The following LPIN2 variants were observed in gnomAD, a reference collection of about 807,000 sequenced individuals.
LPIN2 encodes the protein lipin 2.
A neutral mutation model predicts 111.4 loss-of-function variants in LPIN2; 55 were observed. The observed-to-expected ratio is 0.49, with a 90% CI of 0.40 to 0.62. LPIN2 has a LOEUF of 0.62. Among genes scored for constraint, LPIN2 ranks in the 20% least tolerant of loss-of-function variants. The probability of loss-of-function intolerance (pLI) is 0.00; values close to 1 mark genes in which losing one functional copy is unlikely to be tolerated. For synonymous variants in LPIN2, 425 were observed against 414.0 expected (o/e 1.03, Z -0.32); for missense variants, 992 against 1,112.1 (o/e 0.89, Z 1.54).
chr18:2,990,392 T>TG (rs1038125332), intron 1 of LPIN2, among the ~76,000 whole-genome samples: 3 of 152,168 alleles, frequency 2.0e-5, no homozygotes, highest in African/African-American at 7.2e-5. Context: ...ATTTGCAAAT[T>TG]GGGGAGTTTA....
chr18:2,932,888 G>C (rs1226964303), intron 8 of LPIN2, among the ~76,000 whole-genome samples: 2 of 152,264 alleles, frequency 1.3e-5, no homozygotes, highest in South Asian at 2.1e-4. Flanking sequence ...CACCAACACA[G>C]AGCATTCTTC....
intron 8 of LPIN2, among the ~76,000 whole-genome samples, chr18:2,932,851 T>G (rs1033977847): frequency 6.6e-6 from 1 of 152,116 alleles, no homozygotes; most frequent in African/African-American, 2.4e-5. Flanking sequence ...TGTTCCTGAA[T>G]CCCTGTGGGC....
intron 1 of LPIN2, among the ~76,000 whole-genome samples, chr18:2,975,522 C>T (rs2077998156): frequency 1.3e-5 from 2 of 152,084 alleles, no homozygotes; most frequent in Non-Finnish European, 2.9e-5. Context: ...TTAGTAGCGA[C>T]GGGGTTTCTC....
At chr18:3,003,437 A>T (rs2078463351) in intron 1 of LPIN2, among the ~76,000 whole-genome samples, 1 of 152,222 alleles carries the variant, frequency 6.6e-6, no homozygotes, top group African/African-American at 2.4e-5. Context: ...CTGTTGCAGG[A>T]AGTCAGGGAC....
In LPIN2 at chr18:2,951,315, A is replaced by C; in HGVS notation, c.330T>G (p.Thr110=). Residue 110 remains threonine (T), a synonymous_variant, in exon 4 of 20, where the codon ACT becomes ACG. Transcript: ENST00000677752. ...CAATATCTTTAAAGAACTGATCTTC[A>C]GTAGGAATTGGTGAGGTGGCAAGGT... ...PAYLATSPIP[T]EDQFFKDIDT... 1 of 1,614,176 alleles carries C rather than the reference A, an allele frequency of 6.2e-7. No individual in the cohort carries two copies. Among genetic ancestry groups the C allele is most frequent in the Non-Finnish European group, 8.5e-7 (1 of 1,180,024 alleles).
intron 15 of LPIN2, 137 bp downstream of exon 15, chr18:2,924,261 G>C: frequency 3.0e-6 from 3 of 1,004,710 alleles, no homozygotes; most frequent in Non-Finnish European, 3.1e-6. Flanking sequence ...TACTGGGGAC[G>C]CCTCAGAGCA....
intron 1 of LPIN2, among the ~76,000 whole-genome samples, chr18:2,984,109 C>T (rs2078151984): frequency 6.6e-6 from 1 of 152,104 alleles, no homozygotes; most frequent in Non-Finnish European, 1.5e-5. Context: ...AATGTTTGAC[C>T]AAGTAATAGG....
At chr18:2,933,904 C>T (rs9635851) in intron 8 of LPIN2, among the ~76,000 whole-genome samples, 38,875 of 151,850 alleles carry the variant, frequency 0.26, 7,116 homozygotes, top group East Asian at 0.55. Flanking sequence ...GGGCAGTGCC[C>T]CACCAGACCC....
chr18:2,984,716 T>G (rs1464821140), intron 1 of LPIN2, among the ~76,000 whole-genome samples: 2 of 152,104 alleles, frequency 1.3e-5, no homozygotes, highest in African/African-American at 4.8e-5. Context: ...ATATCCACTT[T>G]AAATGTGAGG....
chr18:2,960,548 G>T, intron 2 of LPIN2, 101 bp downstream of exon 2: 1 of 1,188,406 alleles, frequency 8.4e-7, no homozygotes, highest in Non-Finnish European at 1.2e-6. Flanking sequence ...ACTCACAATA[G>T]CGATTTATTC....
At chr18:2,963,314 C>T (rs115208754) in intron 1 of LPIN2, among the ~76,000 whole-genome samples, 3 of 151,984 alleles carry the variant, frequency 2.0e-5, no homozygotes, top group Non-Finnish European at 2.9e-5. Context: ...TGTTAAACAG[C>T]CTGCTCTTGA....
intron 1 of LPIN2, among the ~76,000 whole-genome samples, chr18:2,988,354 A>G (rs2078217132): frequency 6.6e-6 from 1 of 152,244 alleles, no homozygotes; most frequent in African/African-American, 2.4e-5. Context: ...CAATGTTTAG[A>G]AATTCTAATG....
At chr18:2,986,821 G>A (rs1014113724) in intron 1 of LPIN2, among the ~76,000 whole-genome samples, 1 of 152,284 alleles carries the variant, frequency 6.6e-6, no homozygotes, top group Admixed American at 6.5e-5. Flanking sequence ...GAGTAAAGCT[G>A]AACAGCCTAA....
At chr18:2,957,242 A>G (rs541971438) in intron 2 of LPIN2, among the ~76,000 whole-genome samples, 1 of 152,304 alleles carries the variant, frequency 6.6e-6, no homozygotes, top group East Asian at 1.9e-4. Flanking sequence ...GAGTCTATTC[A>G]TCCTGTTTCA....
intron 1 of LPIN2, among the ~76,000 whole-genome samples, chr18:2,982,043 C>T (rs1301916600): frequency 6.6e-6 from 1 of 152,126 alleles, no homozygotes. Context: ...ATGCAGATTT[C>T]TGGGACTTAC....
intron 1 of LPIN2, among the ~76,000 whole-genome samples, chr18:2,974,325 G>A (rs895202371): frequency 2.0e-5 from 3 of 152,142 alleles, no homozygotes; most frequent in Non-Finnish European, 4.4e-5. Flanking sequence ...CGATCCGCCC[G>A]CCTCAGACTC....
intron 16 of LPIN2, among the ~76,000 whole-genome samples, chr18:2,923,543 G>A (rs958154866): frequency 6.6e-6 from 1 of 151,902 alleles, no homozygotes; most frequent in African/African-American, 2.4e-5. Context: ...TATAGATGTA[G>A]GTAGTGCCTG....
At chr18:2,937,169 G>A (rs113979993) in intron 7 of LPIN2, among the ~76,000 whole-genome samples, 100 of 152,230 alleles carry the variant, frequency 6.6e-4, no homozygotes, top group African/African-American at 2.3e-3. Context: ...AGTAGCAACA[G>A]TCAAGAGACA....
rs80336798 is a variant in LPIN2, at chr18:2,984,375, G to T, written c.-9-23526C>A. Among the ~76,000 whole-genome samples the T allele has an allele frequency of 2.0e-3, 302 of 152,120 alleles. 12 individuals are homozygous for T. The East Asian group carries it at 0.05, about 25-fold the overall frequency. The stretch of plus-strand genomic sequence containing the variant: ...CTACTTCCAGAAGAGAATTGTTTAG[G>T]TTTTTCTGGCCTAAATTTTATGCAA... On this transcript the variant is annotated intron_variant, in intron 1 of 19. Transcript: ENST00000677752.
Sources: gnomAD v4.1 joint callset for allele counts (sites outside exome capture counted in the v4.1 genomes callset) on GRCh38, gnomAD v4.1.1 for gene constraint, MANE v1.5 for transcripts, NCBI Gene and HGNC (gene_info 2026-07-23, HGNC 2026-07-21) for gene names.